SCFD2: variants seen among roughly 807,000 people sequenced by gnomAD.
SCFD2 encodes sec1 family domain-containing protein 2.
SCFD2 carries 54 observed loss-of-function variants against 58.9 expected under a neutral mutation model. The ratio of observed to expected loss-of-function variants is 0.92; its 90% CI spans 0.74 to 1.15. The LOEUF is 1.15. Ranked by LOEUF, SCFD2 falls within the 50% of genes most tolerant of loss-of-function variation. The pLI, the probability that SCFD2 is intolerant of heterozygous loss-of-function variation, is 0.00. For missense variants in SCFD2, 805 were observed against 836.6 expected (o/e 0.96, Z 0.47); for synonymous variants, 321 against 335.9 (o/e 0.96, Z 0.49).
intron 5 of SCFD2, among the ~76,000 whole-genome samples, chr4:53,034,963 G>T (rs974190675): frequency 5.9e-5 from 9 of 152,074 alleles, no homozygotes; most frequent in African/African-American, 1.9e-4. Context: ...TCACAGAATT[G>T]GAAAAAACTA....
At chr4:53,098,346 T>C (rs188285019) in intron 5 of SCFD2, among the ~76,000 whole-genome samples, 2 of 152,318 alleles carry the variant, frequency 1.3e-5, no homozygotes, top group African/African-American at 4.8e-5. Flanking sequence ...CGTCAGGTCC[T>C]GGACTTTTTT....
At chr4:52,923,477 C>CAAATAAATAAAT (rs57571099) in intron 5 of SCFD2, among the ~76,000 whole-genome samples, 8,572 of 134,292 alleles carry the variant, frequency 0.064, 345 homozygotes, top group East Asian at 0.19. Context: ...GACTGCATCT[C>CAAATAAATAAAT]AAATAAATAA....
At chr4:53,238,079 G>A (rs1190472203) in intron 4 of SCFD2, among the ~76,000 whole-genome samples, 20 of 129,962 alleles carry the variant, frequency 1.5e-4, no homozygotes, top group East Asian at 2.5e-4. Flanking sequence ...CCTCCCGGAT[G>A]GGGCGGCTGG....
intron 4 of SCFD2, among the ~76,000 whole-genome samples, chr4:53,251,137 A>T (rs1730358508): frequency 6.6e-6 from 1 of 152,248 alleles, no homozygotes; most frequent in Non-Finnish European, 1.5e-5. Context: ...ATCTAGAAGA[A>T]ATGGATAAAT....
chr4:53,359,613 C>CT (rs905023710), intron 1 of SCFD2, among the ~76,000 whole-genome samples: 13 of 152,042 alleles, frequency 8.6e-5, no homozygotes, highest in South Asian at 2.1e-4. Flanking sequence ...TTGGTACAAT[C>CT]TTTTTTTTGC....
At chr4:53,236,769 G>C (rs185439474) in intron 4 of SCFD2, among the ~76,000 whole-genome samples, 116 of 149,168 alleles carry the variant, frequency 7.8e-4, no homozygotes, top group Non-Finnish European at 1.5e-3. Context: ...ATTTTAACTA[G>C]GATAATCTGT....
chr4:53,243,823 G>GA (rs1729978027), intron 4 of SCFD2, among the ~76,000 whole-genome samples: 2 of 152,136 alleles, frequency 1.3e-5, no homozygotes, highest in African/African-American at 2.4e-5. Flanking sequence ...ATGGAAAGCA[G>GA]AAAAAAGCAA....
intron 3 of SCFD2, among the ~76,000 whole-genome samples, chr4:53,281,087 A>G (rs933150003): frequency 6.6e-6 from 1 of 152,120 alleles, no homozygotes; most frequent in East Asian, 1.9e-4. Context: ...GTTTGATTCG[A>G]CCTGATCTCC....
chr4:53,180,459 C>A (rs527938536), intron 4 of SCFD2, among the ~76,000 whole-genome samples: 2 of 152,048 alleles, frequency 1.3e-5, no homozygotes, highest in East Asian at 1.9e-4. Flanking sequence ...CCAACGAGAA[C>A]AAAGACACAA....
At chr4:53,115,371 T>C (rs749705717) in intron 5 of SCFD2, among the ~76,000 whole-genome samples, 1 of 152,100 alleles carries the variant, frequency 6.6e-6, no homozygotes, top group Non-Finnish European at 1.5e-5. Context: ...TTTAAAAATA[T>C]ACAGTGAGAA....
At chr4:53,278,700 C>T (rs1731411695) in intron 3 of SCFD2, among the ~76,000 whole-genome samples, 1 of 152,058 alleles carries the variant, frequency 6.6e-6, no homozygotes, top group Admixed American at 6.5e-5. Flanking sequence ...CCTTGTGTTC[C>T]TTGCAGATTT....
intron 4 of SCFD2, among the ~76,000 whole-genome samples, chr4:53,213,042 A>G (rs1728673447): frequency 6.6e-6 from 1 of 152,130 alleles, no homozygotes; most frequent in Admixed American, 6.5e-5. Flanking sequence ...ACACTACTGT[A>G]ATAATGATAA....
chr4:53,150,913 TA>T (rs1234974508), intron 4 of SCFD2, among the ~76,000 whole-genome samples: 2 of 152,248 alleles, frequency 1.3e-5, no homozygotes, highest in African/African-American at 2.4e-5. Flanking sequence ...GAAAGTACTT[TA>T]CCTGATTTAG....
At chr4:53,121,481 C>T (rs1203613790) in intron 5 of SCFD2, among the ~76,000 whole-genome samples, 1 of 152,204 alleles carries the variant, frequency 6.6e-6, no homozygotes, top group Non-Finnish European at 1.5e-5. Flanking sequence ...AAACAGGGCT[C>T]CAGAACAGCT....
intron 5 of SCFD2, among the ~76,000 whole-genome samples, chr4:52,935,373 G>A (rs1720109866): frequency 6.6e-6 from 1 of 152,148 alleles, no homozygotes; most frequent in Non-Finnish European, 1.5e-5. Flanking sequence ...GGAGGCTGAA[G>A]CAATTCCACC....
intron 5 of SCFD2, among the ~76,000 whole-genome samples, chr4:52,972,158 A>G (rs915029909): frequency 1.3e-5 from 2 of 152,224 alleles, no homozygotes; most frequent in Non-Finnish European, 2.9e-5. Context: ...TCAAATTCAC[A>G]TATAACAATA....
At chr4:53,133,808 G>A (rs1222394160) in intron 5 of SCFD2, among the ~76,000 whole-genome samples, 2 of 152,172 alleles carry the variant, frequency 1.3e-5, no homozygotes, top group Admixed American at 6.5e-5. Context: ...GATTTCTAGT[G>A]GGGAATGTAA....
intron 5 of SCFD2, among the ~76,000 whole-genome samples, chr4:52,936,482 C>T (rs1215021465): frequency 6.6e-6 from 1 of 152,176 alleles, no homozygotes; most frequent in Non-Finnish European, 1.5e-5. Flanking sequence ...CAAGGTCAGC[C>T]ACAGTACTGA....
chr4:53,181,427 C>A (rs1301682800), intron 4 of SCFD2, among the ~76,000 whole-genome samples: 1 of 152,148 alleles, frequency 6.6e-6, no homozygotes, highest in Admixed American at 6.5e-5. Flanking sequence ...TCAATAGATG[C>A]AGAAAAGGCC....
Sources: gnomAD v4.1 joint callset for allele counts (sites outside exome capture counted in the v4.1 genomes callset) on GRCh38, gnomAD v4.1.1 for gene constraint, MANE v1.5 for transcripts, NCBI Gene and HGNC (gene_info 2026-07-23, HGNC 2026-07-21) for gene names.